PKD1L1: variants seen among roughly 807,000 people sequenced by gnomAD.
The protein encoded by PKD1L1 is polycystin 1 like 1, transient receptor potential channel interacting.
Under a neutral mutation model 323.4 loss-of-function variants are expected in PKD1L1, and 236 were observed. That is an observed-to-expected ratio of 0.73 (90% CI 0.66 to 0.81). PKD1L1 has a LOEUF of 0.81. PKD1L1 is among the 40% of genes least tolerant of loss of function. PKD1L1 has a pLI of 0.00. For synonymous variants in PKD1L1, 1,344 were observed against 1,335.0 expected (o/e 1.01, Z -0.15); for missense variants, 3,320 against 3,508.0 (o/e 0.95, Z 1.35).
intron 7 of PKD1L1, among the ~76,000 whole-genome samples, chr7:47,926,635 T>C (rs1787660734): frequency 1.3e-5 from 2 of 152,290 alleles, no homozygotes; most frequent in South Asian, 4.1e-4. Context: ...ATTTTTATAC[T>C]AGTCAGTGTG....
chr7:47,869,078 A>G (rs538394828), intron 24 of PKD1L1, among the ~76,000 whole-genome samples: 34 of 152,330 alleles, frequency 2.2e-4, no homozygotes, highest in African/African-American at 7.9e-4. Flanking sequence ...TAAGGTGTAT[A>G]TTGTAAGCCT....
At chr7:47,862,092 C>T (rs35385314) in intron 26 of PKD1L1, among the ~76,000 whole-genome samples, 4 of 150,900 alleles carry the variant, frequency 2.7e-5, no homozygotes, top group Admixed American at 2.6e-4. Context: ...CTACTAGGGA[C>T]GCTGAGACAG....
In PKD1L1 at chr7:47,830,098, C is replaced by T. The variant is rs779701706; in HGVS notation, c.6500G>A (p.Trp2167Ter). The T allele has an allele frequency of 6.2e-6, 10 of 1,614,024 alleles. No homozygotes were observed. The Admixed American group carries it at 1.3e-4, about 22-fold the overall frequency. Residue 2167 changes from tryptophan (W) to a stop codon, truncating the protein, a stop_gained, in exon 43 of 57, where the codon TGG becomes TAG. Transcript: ENST00000289672. LOFTEE classifies it high-confidence loss of function. ...CACGGAGAGGGACAGCAGGTGCAGC[C>T]ACTGCACACATTGCTCCTGGCCAAA... is the stretch of plus-strand genomic sequence containing the variant. ...YRFGQEQCVQ[W>*]LHLLSLSVVC...
chr7:47,808,151 T>C, intron 52 of PKD1L1, 96 bp downstream of exon 52: 1 of 1,447,084 alleles, frequency 6.9e-7, no homozygotes, highest in South Asian at 1.3e-5. Flanking sequence ...AACAAATCTG[T>C]TGTCTCGCAC....
chr7:47,840,317 A>T lies in PKD1L1; in HGVS notation c.5552+144T>A. ...ACTCAGAATAATAAACTAAAAATAC[A>T]TCATAAAATTGTTTGTATATAAATC... On this transcript the variant is annotated intron_variant, in intron 35 of 56. Coordinates refer to ENST00000289672, the MANE Select transcript of PKD1L1 (RefSeq NM_138295.5). This position sits in a 1 kb window ranked among gnomAD's most constrained non-coding sequence, Gnocchi z 4.1. 1 of 594,480 alleles carries T rather than the reference A, an allele frequency of 1.7e-6. No individual in the cohort carries two copies. Among genetic ancestry groups the T allele is most frequent in the South Asian group, 2.3e-5 (1 of 42,682 alleles). 36.8% of individuals were successfully genotyped at this position (594,480 alleles called of 1,614,324 possible).
chr7:47,893,888 C>T lies in PKD1L1; in HGVS notation c.2443G>A (p.Ala815Thr), dbSNP rs1786877970. ...TQSFDPDDPG[A>T]TLRYHWECAT... ...GGGGGTGGTGCTCACCTGAGAGTCG[C>T]CCCAGGGTCGTCAGGGTCGAAGGAC... The change falls in exon 15 of 57, where the codon GCG (alanine) becomes ACG (threonine). Residue 815 changes from alanine (A) to threonine (T), a missense_variant. Coordinates refer to ENST00000289672, the MANE Select transcript of PKD1L1 (RefSeq NM_138295.5). 3.1e-6 allele frequency: 5 copies of T among 1,613,176 alleles called. No individual in the cohort carries two copies. The highest frequency in any genetic ancestry group is 4.2e-6 in the Non-Finnish European group (5 of 1,179,774).
At chr7:47,959,439 A>C in the PKD1L1 span, among the ~76,000 whole-genome samples, 7 of 120,094 alleles carry the variant, frequency 5.8e-5, no homozygotes, top group Admixed American at 8.4e-5. Context: ...CCGGCCGCCC[A>C]TCGTCTGAGA....
intron 25 of PKD1L1, 26 bp downstream of exon 25, chr7:47,866,393 T>C (rs1387089576): frequency 6.2e-7 from 1 of 1,604,928 alleles, no homozygotes; most frequent in Non-Finnish European, 8.5e-7. Context: ...TTACAGACAC[T>C]AAACTCACCC....
chr7:47,799,539 G>T (rs1221349389), intron 54 of PKD1L1, among the ~76,000 whole-genome samples: 1 of 152,170 alleles, frequency 6.6e-6, no homozygotes, highest in Non-Finnish European at 1.5e-5. Flanking sequence ...CTAGGAATGT[G>T]GCTAGAGTTC....
At chr7:47,822,978 G>T (rs1785177087) in intron 45 of PKD1L1, among the ~76,000 whole-genome samples, 2 of 151,468 alleles carry the variant, frequency 1.3e-5, no homozygotes, top group Non-Finnish European at 1.5e-5. Flanking sequence ...AATTATTTGG[G>T]ATTTTCTGCA....
intron 18 of PKD1L1, 87 bp downstream of exon 18, chr7:47,885,599 C>T: frequency 6.6e-7 from 1 of 1,506,634 alleles, no homozygotes; most frequent in Non-Finnish European, 8.9e-7. Context: ...GATGTGATCT[C>T]ACACCTTACC....
At chr7:47,859,680 G>A (rs1040921692) in intron 26 of PKD1L1, among the ~76,000 whole-genome samples, 5 of 149,232 alleles carry the variant, frequency 3.4e-5, no homozygotes, top group African/African-American at 9.9e-5. Flanking sequence ...AGGCTGGAGT[G>A]CAGTGGCACA....
chr7:47,829,543 G>T lies in PKD1L1; in HGVS notation c.6617C>A (p.Thr2206Asn). Reference protein sequence around the residue: ...WKRRADNHFFTESLCEATRDL... With the variant: ...WKRRADNHFFNESLCEATRDL... Reference sequence around the variant, plus strand: ...CCTGGTAGCCTCACATAAAGACTCAGTAAAAAAGTGGTTGTCAGCTCTTCT... The same window carrying T: ...CCTGGTAGCCTCACATAAAGACTCATTAAAAAAGTGGTTGTCAGCTCTTCT... Residue 2206 changes from threonine (T) to asparagine (N), a missense_variant, in exon 44 of 57, where the codon ACT becomes AAT. By Grantham distance (65) the Thr-to-Asn change is moderately conservative. Transcript: ENST00000289672. The T allele has an allele frequency of 6.2e-7, 1 of 1,613,706 alleles. No individual in the cohort carries two copies. Among genetic ancestry groups the T allele is most frequent in the Non-Finnish European group, 8.5e-7 (1 of 1,179,932 alleles).
At position 47,835,254 on chromosome 7, in the gene PKD1L1, G is replaced by A. The variant is rs376861398; in HGVS notation, c.5944-11C>T. On this transcript the variant is annotated splice_polypyrimidine_tract_variant and intron_variant, in intron 37 of 56. Coordinates refer to ENST00000289672, the MANE Select transcript of PKD1L1 (RefSeq NM_138295.5). ...GACGTCCAAGTGGGGCTGCAACAAA[G>A]CAACAGCAGCCATTACATCAACTCA... The A allele has an allele frequency of 6.5e-7, 1 of 1,548,156 alleles. No individual in the cohort carries two copies. Among genetic ancestry groups the A allele is most frequent in the Non-Finnish European group, 8.7e-7 (1 of 1,144,356 alleles).
intron 19 of PKD1L1, among the ~76,000 whole-genome samples, chr7:47,882,506 G>A (rs897547302): frequency 3.3e-5 from 5 of 152,140 alleles, no homozygotes; most frequent in African/African-American, 9.7e-5. Context: ...AAAGAAAAGC[G>A]GGGTATGCAG....
Position 47,946,610 on chromosome 7 carries a change from A to G in PKD1L1, c.44+1787T>C, listed in dbSNP as rs918472578. 1.3e-5 allele frequency among the ~76,000 whole-genome samples: 2 copies of G among 150,612 alleles called. No homozygotes were observed. Among genetic ancestry groups the G allele is most frequent in the South Asian group, 2.1e-4 (1 of 4,756 alleles). ...ATACCCCACTCATACCATACCACACATACACCACACACTACACACAGACCA... is the reference window on the plus strand; with the variant it reads ...ATACCCCACTCATACCATACCACACGTACACCACACACTACACACAGACCA... On this transcript the variant is annotated intron_variant, in intron 1 of 56. Transcript: ENST00000289672. The surrounding 1 kb of genome is among the most constrained non-coding windows in gnomAD (Gnocchi z 4.1).
chr7:47,905,899 GTC>G lies in PKD1L1; in HGVS notation c.1464_1465del (p.Gln488HisfsTer5). 1 of 1,613,842 alleles carries G rather than the reference GTC, an allele frequency of 6.2e-7. No homozygotes were observed. Among genetic ancestry groups the G allele is most frequent in the Non-Finnish European group, 8.5e-7 (1 of 1,179,930 alleles). Reference sequence around the variant, plus strand: ...CCAAGCCTGGCTGTCACCCACTTGAGTCTGAGAAATAAAGGACACGTTATATG... The same window carrying G: ...CCAAGCCTGGCTGTCACCCACTTGAGTGAGAAATAAAGGACACGTTATATG... On this transcript the variant is annotated frameshift_variant, in exon 10 of 57. Transcript: ENST00000289672. LOFTEE classifies it high-confidence loss of function.
intron 44 of PKD1L1, among the ~76,000 whole-genome samples, chr7:47,828,491 C>A (rs1164366214): frequency 6.6e-6 from 1 of 151,978 alleles, no homozygotes; most frequent in Non-Finnish European, 1.5e-5. Flanking sequence ...GAGGAAAGGG[C>A]AAGGTGGGCC....
Position 47,873,649 on chromosome 7 carries a change from CAA to C in PKD1L1, c.3896+248_3896+249del, listed in dbSNP as rs57012071. Among the ~76,000 whole-genome samples the C allele has an allele frequency of 4.8e-3, 373 of 78,082 alleles. 1 individual carries two copies. The highest frequency in any genetic ancestry group is 0.016 in the African/African-American group (304 of 19,036). The allele number at this position is 78,082 out of a possible 152,430, so 51.2% of individuals were successfully genotyped here. Reference sequence around the variant, plus strand: ...TGGGTGACAGGCGGAGACTCTGTCTCAAAAAAAAAAAAAAAAAAAAAAGAAGG... The same window carrying C: ...TGGGTGACAGGCGGAGACTCTGTCTCAAAAAAAAAAAAAAAAAAAAGAAGG... On this transcript the variant is annotated intron_variant, in intron 24 of 56. Transcript: ENST00000289672.
Sources: allele counts gnomAD v4.1 joint callset (sites outside exome capture counted in the v4.1 genomes callset), GRCh38; gene constraint gnomAD v4.1.1; non-coding constraint Gnocchi (gnomAD v3.1); transcripts MANE v1.5; gene names NCBI Gene and HGNC (gene_info 2026-07-23, HGNC 2026-07-21).